GABRB1: variants seen among roughly 807,000 people sequenced by gnomAD.
GABRB1 encodes the protein gamma-aminobutyric acid receptor subunit beta-1.
A neutral mutation model predicts 51.6 loss-of-function variants in GABRB1; 17 were observed. The observed-to-expected ratio is 0.33, with a 90% CI of 0.23 to 0.49. The LOEUF is 0.49. GABRB1 is among the 20% of genes least tolerant of loss of function. The pLI, the probability that GABRB1 is intolerant of heterozygous loss-of-function variation, is 0.99. For synonymous variants in GABRB1, 247 were observed against 218.9 expected, an observed-to-expected ratio of 1.13 and a Z score of -1.14; for missense variants, 410 against 600.6, an observed-to-expected ratio of 0.68 and a Z score of 3.32.
chr4:47,019,615 T>C (rs1323039006), intron 1 of GABRB1, among the ~76,000 whole-genome samples: 1 of 82,288 alleles, frequency 1.2e-5, no homozygotes, highest in African/African-American at 4.7e-5. Context: ...CCTTCTTTCT[T>C]TCTTTCTCTC....
chr4:47,121,957 G>T (rs952928767), intron 3 of GABRB1, among the ~76,000 whole-genome samples: 1 of 151,772 alleles, frequency 6.6e-6, no homozygotes, highest in South Asian at 2.1e-4. Context: ...AATTTGTTAG[G>T]CATGATCTTC....
At chr4:47,369,119 A>AT (rs33921415) in intron 5 of GABRB1, among the ~76,000 whole-genome samples, 16 of 151,916 alleles carry the variant, frequency 1.1e-4, no homozygotes, top group African/African-American at 3.6e-4. Flanking sequence ...ATTTAAAAAA[A>AT]TTTTTTTTTA....
In GABRB1 at chr4:47,182,731, C is replaced by A. The variant is rs561440999; in HGVS notation, c.461+21262C>A. Among the ~76,000 whole-genome samples, 5 of 152,024 alleles carry A rather than the reference C, an allele frequency of 3.3e-5. No individual in the cohort carries two copies. In the East Asian group the frequency reaches 9.7e-4, roughly 29 times the overall value. ...GGTGACTAAATAATGGCAATTAAAG[C>A]AAGGTAATAAGTTGCTTTAATAGTT... On this transcript the variant is annotated intron_variant, in intron 4 of 8. Transcript: ENST00000295454.
intron 5 of GABRB1, among the ~76,000 whole-genome samples, chr4:47,359,140 T>C (rs748640046): frequency 2.0e-5 from 3 of 152,160 alleles, no homozygotes; most frequent in African/African-American, 7.2e-5. Context: ...GAAAGTGAAA[T>C]GGCTTCTCAA....
At chr4:47,133,866 G>A (rs990684682) in intron 3 of GABRB1, among the ~76,000 whole-genome samples, 2 of 152,030 alleles carry the variant, frequency 1.3e-5, no homozygotes, top group African/African-American at 2.4e-5. Flanking sequence ...TTCTTTCTGC[G>A]ATTACTAAAG....
intron 4 of GABRB1, among the ~76,000 whole-genome samples, chr4:47,294,690 C>T (rs112219920): frequency 1.3e-5 from 2 of 152,352 alleles, no homozygotes. Context: ...AACAGACAAA[C>T]AAAAAGACAG....
intron 3 of GABRB1, among the ~76,000 whole-genome samples, chr4:47,042,438 A>ATG (rs1725894167): frequency 7.0e-6 from 1 of 143,882 alleles, no homozygotes; most frequent in Non-Finnish European, 1.5e-5. Context: ...ATATATATAT[A>ATG]TAAAATACGT....
chr4:47,355,610 T>C (rs1026810431), intron 5 of GABRB1, among the ~76,000 whole-genome samples: 1 of 152,234 alleles, frequency 6.6e-6, no homozygotes, highest in Non-Finnish European at 1.5e-5. Flanking sequence ...TTGCTTTTTA[T>C]GGCTTTTGCC....
Position 47,274,237 on chromosome 4 carries a change from A to G in GABRB1, c.462-45890A>G, listed in dbSNP as rs112747399. Among the ~76,000 whole-genome samples, 47 of 152,296 alleles carry G rather than the reference A, an allele frequency of 3.1e-4. 3 individuals are homozygous for G. Among genetic ancestry groups the G allele is most frequent in the African/African-American group, 1.0e-3 (43 of 41,566 alleles). On this transcript the variant is annotated intron_variant, in intron 4 of 8. Coordinates refer to ENST00000295454, the MANE Select transcript of GABRB1 (RefSeq NM_000812.4). ...AATAATAAAAACAATATCATCTAAT[A>G]GGGATTTTATGCAGATTATAAGCAA...
chr4:47,023,928 A>C (rs1464317379), intron 1 of GABRB1, among the ~76,000 whole-genome samples: 1 of 151,894 alleles, frequency 6.6e-6, no homozygotes, highest in Non-Finnish European at 1.5e-5. Context: ...TTCTTTTCTT[A>C]TGTAACTCTT....
At chr4:47,099,286 A>G (rs1714615164) in intron 3 of GABRB1, among the ~76,000 whole-genome samples, 1 of 152,166 alleles carries the variant, frequency 6.6e-6, no homozygotes, top group Admixed American at 6.6e-5. Context: ...CTTCAGATGT[A>G]TTAAACAGAA....
chr4:47,217,402 CTATT>C (rs1262216736), intron 4 of GABRB1, among the ~76,000 whole-genome samples: 6 of 151,892 alleles, frequency 4.0e-5, no homozygotes, highest in African/African-American at 1.4e-4. Flanking sequence ...ACCCTGTACT[CTATT>C]TATACCTGAG....
chr4:47,105,032 G>A (rs111296156), intron 3 of GABRB1, among the ~76,000 whole-genome samples: 42 of 152,148 alleles, frequency 2.8e-4, no homozygotes, highest in African/African-American at 9.6e-4. Flanking sequence ...ATCTTAGGTA[G>A]TATAGTAGAG....
chr4:47,107,838 A>AG (rs1293274879), intron 3 of GABRB1, among the ~76,000 whole-genome samples: 1 of 152,074 alleles, frequency 6.6e-6, no homozygotes, highest in Non-Finnish European at 1.5e-5. Context: ...CAAAACTTAA[A>AG]AGAGCTCATA....
chr4:47,015,712 C>T (rs148096905), intron 1 of GABRB1, among the ~76,000 whole-genome samples: 148 of 152,240 alleles, frequency 9.7e-4, no homozygotes, highest in African/African-American at 3.0e-3. Flanking sequence ...ATACAAGCAA[C>T]GGGCAAGCAT....
intron 5 of GABRB1, among the ~76,000 whole-genome samples, chr4:47,350,249 T>G (rs1726273840): frequency 9.0e-6 from 1 of 111,148 alleles, no homozygotes; most frequent in Non-Finnish European, 1.8e-5. Context: ...AGAGAGGTTT[T>G]AAGGCATTCA....
intron 5 of GABRB1, among the ~76,000 whole-genome samples, chr4:47,377,386 G>T (rs758250295): frequency 2.2e-5 from 3 of 136,426 alleles, no homozygotes; most frequent in Middle Eastern, 3.8e-3. Flanking sequence ...TCCGGAGTTT[G>T]TTCCTTATGT....
At chr4:47,060,160 A>G (rs774484628) in intron 3 of GABRB1, among the ~76,000 whole-genome samples, 3 of 152,228 alleles carry the variant, frequency 2.0e-5, no homozygotes, top group Non-Finnish European at 4.4e-5. Context: ...TTTGCCAGAA[A>G]AAACATCAAG....
chr4:47,354,166 G>C (rs985912426), intron 5 of GABRB1, among the ~76,000 whole-genome samples: 1 of 152,114 alleles, frequency 6.6e-6, no homozygotes, highest in South Asian at 2.1e-4. Context: ...GTAGCACAGG[G>C]GGCAGCCCTC....
Sources: allele counts gnomAD v4.1 joint callset (sites outside exome capture counted in the v4.1 genomes callset), GRCh38; gene constraint gnomAD v4.1.1; transcripts MANE v1.5; gene names NCBI Gene and HGNC (gene_info 2026-07-23, HGNC 2026-07-21).